Variants in GRM5 observed in about 807,000 individuals in gnomAD.
GRM5 encodes the protein metabotropic glutamate receptor 5.
GRM5 carries 19 observed loss-of-function variants against 83.1 expected under a neutral mutation model. The ratio of observed to expected loss-of-function variants is 0.23; its 90% CI spans 0.16 to 0.34. The LOEUF is 0.34. GRM5 is among the 10% of genes least tolerant of loss of function. The pLI is 1.00. For synonymous variants in GRM5, 675 were observed against 633.6 expected (o/e 1.07, Z -0.98); for missense variants, 1,160 against 1,588.3 (o/e 0.73, Z 4.58).
chr11:88,737,353 T>C (rs533340695), intron 3 of GRM5, among the ~76,000 whole-genome samples: 1 of 152,164 alleles, frequency 6.6e-6, no homozygotes, highest in East Asian at 1.9e-4. Context: ...AAGAGTGTTT[T>C]TTCTCTGGGA....
At chr11:88,820,254 G>T (rs1943763636) in intron 3 of GRM5, among the ~76,000 whole-genome samples, 1 of 151,122 alleles carries the variant, frequency 6.6e-6, no homozygotes, top group Non-Finnish European at 1.5e-5. Flanking sequence ...TGGGCTTGGT[G>T]GCGCACACCT....
At chr11:89,002,394 T>G (rs1262683336) in intron 2 of GRM5, among the ~76,000 whole-genome samples, 1 of 152,164 alleles carries the variant, frequency 6.6e-6, no homozygotes, top group Admixed American at 6.5e-5. Flanking sequence ...GAATCCTGTT[T>G]GGGAGCTCTG....
intron 3 of GRM5, among the ~76,000 whole-genome samples, chr11:88,706,622 C>T (rs1467318178): frequency 1.3e-5 from 2 of 152,050 alleles, no homozygotes; most frequent in African/African-American, 4.8e-5. Flanking sequence ...GATGGATGGT[C>T]ACCTTATTTT....
chr11:88,680,652 A>G (rs1940455653), intron 3 of GRM5, among the ~76,000 whole-genome samples: 1 of 152,192 alleles, frequency 6.6e-6, no homozygotes, highest in African/African-American at 2.4e-5. Context: ...AGGATTATAA[A>G]TCATGCTGCT....
At chr11:88,746,175 A>G (rs1486678174) in intron 3 of GRM5, among the ~76,000 whole-genome samples, 6 of 152,098 alleles carry the variant, frequency 3.9e-5, no homozygotes. Flanking sequence ...ACGGCCCAAC[A>G]AACAGCTTAA....
intron 3 of GRM5, among the ~76,000 whole-genome samples, chr11:88,658,146 T>C (rs986574652): frequency 6.6e-6 from 1 of 152,098 alleles, no homozygotes; most frequent in South Asian, 2.1e-4. Context: ...CATAGGATGG[T>C]GAATCCTATC....
intron 2 of GRM5, among the ~76,000 whole-genome samples, chr11:88,961,658 C>G (rs549665315): frequency 6.6e-6 from 1 of 152,326 alleles, no homozygotes; most frequent in South Asian, 2.1e-4. Context: ...TCCCAAACTT[C>G]AACATAACAT....
At chr11:89,019,003 G>A (rs1389115599) in intron 2 of GRM5, among the ~76,000 whole-genome samples, 1 of 152,026 alleles carries the variant, frequency 6.6e-6, no homozygotes, top group Admixed American at 6.5e-5. Flanking sequence ...TGTCTTCCTA[G>A]TATCCTTTTG....
chr11:88,752,840 A>C (rs1053616049), intron 3 of GRM5, among the ~76,000 whole-genome samples: 1 of 152,220 alleles, frequency 6.6e-6, no homozygotes, highest in Non-Finnish European at 1.5e-5. Flanking sequence ...AAACCTGACA[A>C]AAAACAGTAA....
chr11:89,028,054 A>G (rs1392871710), intron 2 of GRM5, among the ~76,000 whole-genome samples: 1 of 152,214 alleles, frequency 6.6e-6, no homozygotes, highest in East Asian at 1.9e-4. Context: ...CATTCAAGGC[A>G]CTATCTTAGA....
intron 3 of GRM5, among the ~76,000 whole-genome samples, chr11:88,754,972 T>C (rs1057339671): frequency 1.3e-5 from 2 of 149,386 alleles, no homozygotes; most frequent in African/African-American, 4.8e-5. Flanking sequence ...AACACTTCTG[T>C]AGGCCTTGCT....
chr11:88,576,817 G>A (rs1943121173), intron 7 of GRM5, among the ~76,000 whole-genome samples: 1 of 152,048 alleles, frequency 6.6e-6, no homozygotes, highest in African/African-American at 2.4e-5. Context: ...AACCGATAGG[G>A]TATCAGTGGA....
intron 1 of GRM5, among the ~76,000 whole-genome samples, chr11:89,049,500 T>A (rs1941712606): frequency 6.6e-6 from 1 of 152,204 alleles, no homozygotes; most frequent in South Asian, 2.1e-4. Flanking sequence ...CAGGAATGTA[T>A]GTAAATATCG....
chr11:88,841,770 A>C (rs144104221), intron 3 of GRM5, among the ~76,000 whole-genome samples: 1 of 152,286 alleles, frequency 6.6e-6, no homozygotes, highest in East Asian at 1.9e-4. Flanking sequence ...CACTACTGAC[A>C]CTTTTGTTCC....
rs576973332 is a variant in GRM5, at chr11:88,736,690, G to C, written c.912-83287C>G. ...TCAGGCACATTTCCCTGCAGGATGG[G>C]AATTGAAGGGGATTCTGGATAATTC... On this transcript the variant is annotated intron_variant, in intron 3 of 9. Transcript: ENST00000305447. Among the ~76,000 whole-genome samples the C allele has an allele frequency of 6.6e-5, 10 of 152,148 alleles. No homozygotes were observed. The South Asian group carries it at 2.1e-3, about 32-fold the overall frequency.
At chr11:89,023,164 T>TGTGC (rs1555063046) in intron 2 of GRM5, among the ~76,000 whole-genome samples, 31 of 151,134 alleles carry the variant, frequency 2.1e-4, no homozygotes, top group African/African-American at 3.7e-4. Context: ...TGTGTGTGTG[T>TGTGC]GCGCGCGCGT....
rs549033207 is a variant in GRM5 at position 88,698,557 on chromosome 11, G to C, written c.912-45154C>G. 3.3e-5 allele frequency among the ~76,000 whole-genome samples: 5 copies of C among 152,052 alleles called. No homozygotes were observed. The South Asian group carries it at 1.0e-3, about 31-fold the overall frequency. On this transcript the variant is annotated intron_variant, in intron 3 of 9. Transcript: ENST00000305447. ...GGGCTCAAGAAGAGAGTAGTTATTG[G>C]CTACGTATGGATTCAATAGCATGGG...
At chr11:88,745,964 CGAACCTAA>C (rs1186571348) in intron 3 of GRM5, among the ~76,000 whole-genome samples, 1 of 152,110 alleles carries the variant, frequency 6.6e-6, no homozygotes, top group Admixed American at 6.6e-5. Context: ...ATCTTTAAAA[CGAACCTAA>C]GATCACATAT....
intron 2 of GRM5, among the ~76,000 whole-genome samples, chr11:88,959,759 C>A (rs1280900231): frequency 6.6e-6 from 1 of 152,156 alleles, no homozygotes; most frequent in Non-Finnish European, 1.5e-5. Flanking sequence ...GTTAGAACCA[C>A]TGCCTAGCCA....
Sources: gnomAD v4.1 joint callset for allele counts (sites outside exome capture counted in the v4.1 genomes callset) on GRCh38, gnomAD v4.1.1 for gene constraint, MANE v1.5 for transcripts, NCBI Gene and HGNC (gene_info 2026-07-23, HGNC 2026-07-21) for gene names.